The following SLC13A4 variants were observed in gnomAD, a reference collection of about 807,000 sequenced individuals.
SLC13A4 encodes the protein Na(+)/sulfate cotransporter SUT-1.
Under a neutral mutation model 72.7 loss-of-function variants are expected in SLC13A4, and 28 were observed. That is an observed-to-expected ratio of 0.39 (90% CI 0.29 to 0.53). The LOEUF is 0.53. Among genes scored for constraint, SLC13A4 ranks in the 20% least tolerant of loss-of-function variants. The probability of loss-of-function intolerance (pLI) is 0.78; values close to 1 mark genes in which losing one functional copy is unlikely to be tolerated. For synonymous variants in SLC13A4, 312 were observed against 325.5 expected, an observed-to-expected ratio of 0.96 and a Z score of 0.45; for missense variants, 653 against 788.0, an observed-to-expected ratio of 0.83 and a Z score of 2.05.
chr7:135,714,355 C>A (rs1024582926), intron 2 of SLC13A4, among the ~76,000 whole-genome samples: 2 of 152,224 alleles, frequency 1.3e-5, no homozygotes, highest in Non-Finnish European at 2.9e-5. Flanking sequence ...ACTGTATGAA[C>A]TACCCAGATG....
intron 2 of SLC13A4, among the ~76,000 whole-genome samples, chr7:135,720,470 A>C (rs912786526): frequency 1.3e-5 from 2 of 151,622 alleles, no homozygotes; most frequent in Non-Finnish European, 2.9e-5. Flanking sequence ...CTTAGTAGGC[A>C]TTCAAATATG....
chr7:135,719,780 CATGTGTGTGTGTGTGT>C (rs1796502549), intron 2 of SLC13A4, among the ~76,000 whole-genome samples: 1 of 138,536 alleles, frequency 7.2e-6, no homozygotes, highest in African/African-American at 2.8e-5. Flanking sequence ...CTCAATGCCA[CATGTGTGTGTGTGTGT>C]GTGTGTATGT....
At chr7:135,707,573 A>C (rs1796193851) in intron 3 of SLC13A4, 1 of 152,330 alleles carries the variant, frequency 6.6e-6, no homozygotes, top group African/African-American at 2.4e-5. Context: ...ATCCAAATGG[A>C]ACATTGCTGA....
chr7:135,726,358 C>T (rs1028055946), intron 1 of SLC13A4, among the ~76,000 whole-genome samples: 1 of 152,136 alleles, frequency 6.6e-6, no homozygotes, highest in African/African-American at 2.4e-5. Flanking sequence ...AAGATTTAAG[C>T]CAGTTTGTTT....
At chr7:135,685,238 G>T (rs575505431) in intron 14 of SLC13A4, among the ~76,000 whole-genome samples, 1 of 152,302 alleles carries the variant, frequency 6.6e-6, no homozygotes, top group Admixed American at 6.5e-5. Context: ...ATATTATTTT[G>T]TATGTTCTTT....
At chr7:135,722,392 A>G (rs1796567222) in intron 1 of SLC13A4, among the ~76,000 whole-genome samples, 1 of 152,238 alleles carries the variant, frequency 6.6e-6, no homozygotes, top group South Asian at 2.1e-4. Flanking sequence ...GAAGTGGATC[A>G]GTAAGAAGTG....
intron 13 of SLC13A4, among the ~76,000 whole-genome samples, chr7:135,687,760 A>G (rs1032711081): frequency 3.0e-5 from 3 of 99,498 alleles, no homozygotes; most frequent in South Asian, 7.2e-4. Flanking sequence ...ATATAAAGAG[A>G]TGGAGTTTTA....
At chr7:135,697,840 G>A (rs1023081317) in intron 8 of SLC13A4, among the ~76,000 whole-genome samples, 16 of 151,820 alleles carry the variant, frequency 1.1e-4, no homozygotes, top group African/African-American at 3.9e-4. Flanking sequence ...TTCTTTGTCT[G>A]GCTAATCTCT....
At chr7:135,723,409 C>T (rs904200961) in intron 1 of SLC13A4, among the ~76,000 whole-genome samples, 7 of 152,126 alleles carry the variant, frequency 4.6e-5, no homozygotes, top group African/African-American at 1.4e-4. Context: ...TGCTGATGAA[C>T]GCTGTTAAGA....
intron 2 of SLC13A4, among the ~76,000 whole-genome samples, chr7:135,719,781 A>ATG (rs968225969): frequency 0.026 from 3,863 of 146,056 alleles, 100 homozygotes; most frequent in East Asian, 0.095. Context: ...TCAATGCCAC[A>ATG]TGTGTGTGTG....
chr7:135,727,316 C>G, intron 1 of SLC13A4, 82 bp downstream of exon 1: 2 of 1,498,310 alleles, frequency 1.3e-6, no homozygotes, highest in South Asian at 2.5e-5. Flanking sequence ...ACTGCCTGAG[C>G]GCCCCATGTT....
At chr7:135,683,989 C>G in intron 15 of SLC13A4, 135 bp downstream of exon 15, 1 of 1,077,610 alleles carries the variant, frequency 9.3e-7, no homozygotes, top group Non-Finnish European at 1.3e-6. Flanking sequence ...AGGTGCTATT[C>G]TTGCTACCAC....
intron 8 of SLC13A4, 138 bp from the exon 9 acceptor site, chr7:135,695,625 G>T: frequency 1.0e-6 from 1 of 953,258 alleles, no homozygotes; most frequent in Non-Finnish European, 1.5e-6. Context: ...GTAAAACGTT[G>T]CCTAGGACTC....
At chr7:135,701,321 G>A (rs1796029624) in intron 7 of SLC13A4, among the ~76,000 whole-genome samples, 1 of 152,168 alleles carries the variant, frequency 6.6e-6, no homozygotes, top group Admixed American at 6.5e-5. Context: ...AATCGTGCCA[G>A]GAAGACAATT....
chr7:135,717,559 G>T (rs4512332), intron 2 of SLC13A4, among the ~76,000 whole-genome samples: 4,448 of 152,184 alleles, frequency 0.029, 92 homozygotes, highest in Non-Finnish European at 0.046. Flanking sequence ...AACTTCTCCG[G>T]GTCAGGAGCC....
rs750526568 is a variant in SLC13A4, at chr7:135,691,219, A to G, written c.1428T>C (p.Ala476=). The part of the protein sequence containing the change: ...EIVILVGGGY[A]LASGSKSSGL... ...GAATTACCTTGCTACCAGAAGCCAGAGCATAGCCTCCCCCAACCAGAATGA... is the reference window on the plus strand; with the variant it reads ...GAATTACCTTGCTACCAGAAGCCAGGGCATAGCCTCCCCCAACCAGAATGA... Residue 476 remains alanine, a synonymous_variant, in exon 13 of 16, where the codon GCT becomes GCC. Coordinates refer to ENST00000682651, the MANE Select transcript of SLC13A4 (RefSeq NM_001318192.2). 6.2e-7 allele frequency: 1 copy of G among 1,603,478 alleles called. No homozygotes were observed. Among genetic ancestry groups the G allele is most frequent in the Non-Finnish European group, 8.5e-7 (1 of 1,176,982 alleles).
chr7:135,694,114 G>T, intron 10 of SLC13A4, 23 bp downstream of exon 10: 1 of 1,393,922 alleles, frequency 7.2e-7, no homozygotes, highest in South Asian at 1.2e-5. Context: ...GAGAAGGAGG[G>T]AAGAGGAATG....
In SLC13A4 at chr7:135,727,248, G is replaced by A. The variant is rs75131182; in HGVS notation, c.99+150C>T. 91 of 1,032,810 alleles carry A rather than the reference G, an allele frequency of 8.8e-5. No individual in the cohort carries two copies. In the African/African-American group the frequency reaches 1.1e-3, roughly 13 times the overall value. The allele number at this position is 1,032,810 out of a possible 1,614,324, so 64.0% of individuals were successfully genotyped here. Reference sequence around the variant, plus strand: ...ACAGCTTTTAGGAAGAAGATATCTTGGTTTCCTCTGGAAAAATCCTTCCAT... The same window carrying A: ...ACAGCTTTTAGGAAGAAGATATCTTAGTTTCCTCTGGAAAAATCCTTCCAT... On this transcript the variant is annotated intron_variant, in intron 1 of 15. Transcript: ENST00000682651.
Position 135,681,331 on chromosome 7 carries a change from G to C in SLC13A4, c.*232C>G. The C allele has an allele frequency of 2.5e-6, 1 of 401,770 alleles. No homozygotes were observed. Among genetic ancestry groups the C allele is most frequent in the African/African-American group, 2.0e-5 (1 of 49,328 alleles). The allele number at this position is 401,770 out of a possible 1,614,324, so 24.9% of individuals were successfully genotyped here. ...GTATTGAAACTTTAGGTTTTCTTGA[G>C]CTGTGGTGCTGAGGGCAGGAAGAAG... On this transcript the variant is annotated 3_prime_UTR_variant, in exon 16 of 16. Coordinates refer to ENST00000682651, the MANE Select transcript of SLC13A4 (RefSeq NM_001318192.2).
Sources: allele counts gnomAD v4.1 joint callset (sites outside exome capture counted in the v4.1 genomes callset), GRCh38; gene constraint gnomAD v4.1.1; transcripts MANE v1.5; gene names NCBI Gene and HGNC (gene_info 2026-07-23, HGNC 2026-07-21).